Variants in BMPR1B observed in about 807,000 individuals in gnomAD.
The protein encoded by BMPR1B is bone morphogenetic protein receptor type 1B.
In BMPR1B, 12 loss-of-function variants were observed where a neutral mutation model predicts 59.1. The ratio of observed to expected loss-of-function variants is 0.20; its 90% CI spans 0.13 to 0.33. The LOEUF is 0.33. BMPR1B is among the 10% of genes least tolerant of loss of function. BMPR1B has a pLI of 1.00. For missense variants in BMPR1B, 550 were observed against 610.9 expected, an observed-to-expected ratio of 0.90 and a Z score of 1.05; for synonymous variants, 237 against 207.3, an observed-to-expected ratio of 1.14 and a Z score of -1.23.
intron 2 of BMPR1B, among the ~76,000 whole-genome samples, chr4:94,948,228 C>T (rs1729792310): frequency 6.6e-6 from 1 of 152,186 alleles, no homozygotes; most frequent in Admixed American, 6.5e-5. Flanking sequence ...TCAAACTCTT[C>T]TAAAGAGCCT....
rs1734159850 is a variant in BMPR1B, at chr4:95,140,604, C to CT, written c.1077-8141dup. Among the ~76,000 whole-genome samples, 3 of 152,198 alleles carry CT rather than the reference C, an allele frequency of 2.0e-5. No individual in the cohort carries two copies. The South Asian group carries it at 6.2e-4, about 32-fold the overall frequency. On this transcript the variant is annotated intron_variant, in intron 10 of 12. Coordinates refer to ENST00000515059, the MANE Select transcript of BMPR1B (RefSeq NM_001203.3). ...TAATGACAGCATCTTCTGTACTACT[C>CT]TTTAATTTCCCGGTCTTTGTCTGCT...
rs760017395 is a variant in BMPR1B at position 95,131,294 on chromosome 4, C to A, written c.858C>A (p.Ser286=). The change falls in exon 10 of 13, where the codon TCC becomes TCA. Residue 286 remains serine, a synonymous_variant. Coordinates refer to ENST00000515059, the MANE Select transcript of BMPR1B (RefSeq NM_001203.3). ...TCACAGACTATCATGAAAATGGTTC[C>A]CTTTATGATTATCTGAAGTCCACCA... The part of the protein sequence containing the change: ...YLITDYHENG[S]LYDYLKSTTL... 5 of 1,613,670 alleles carry A rather than the reference C, an allele frequency of 3.1e-6. No homozygotes were observed. The African/African-American group carries it at 6.7e-5, about 22-fold the overall frequency.
At chr4:95,091,217 A>C (rs760848128) in intron 3 of BMPR1B, among the ~76,000 whole-genome samples, 3 of 152,036 alleles carry the variant, frequency 2.0e-5, no homozygotes, top group Non-Finnish European at 4.4e-5. Flanking sequence ...CACTGTGGTC[A>C]GTGACATTTT....
At chr4:95,071,646 G>GTATA (rs1179814583) in intron 3 of BMPR1B, among the ~76,000 whole-genome samples, 49 of 86,570 alleles carry the variant, frequency 5.7e-4, no homozygotes, top group African/African-American at 2.1e-3. Context: ...GTGTGTGTGT[G>GTATA]TGTGTGTATA....
intron 2 of BMPR1B, among the ~76,000 whole-genome samples, chr4:94,989,490 A>T (rs1199842588): frequency 6.6e-6 from 1 of 152,084 alleles, no homozygotes; most frequent in East Asian, 1.9e-4. Context: ...ATGTAACAGG[A>T]TTACAATTTC....
intron 6 of BMPR1B, among the ~76,000 whole-genome samples, chr4:95,116,421 G>GCGCGCGCACACGCACACACACA: frequency 8.1e-6 from 1 of 123,198 alleles, no homozygotes; most frequent in African/African-American, 3.6e-5. Flanking sequence ...TTCAGCGCGC[G>GCGCGCGCACACGCACACACACA]CACACACACA....
chr4:94,879,845 A>G (rs2148977594), intron 2 of BMPR1B, among the ~76,000 whole-genome samples: 1 of 152,310 alleles, frequency 6.6e-6, no homozygotes, highest in East Asian at 1.9e-4. Flanking sequence ...TTTTTAATAC[A>G]AAGTTTGATA....
chr4:94,828,872 A>G (rs6847607), intron 1 of BMPR1B, among the ~76,000 whole-genome samples: 74,460 of 151,954 alleles, frequency 0.49, 19,049 homozygotes, highest in African/African-American at 0.64. Flanking sequence ...AGTTTAAAAA[A>G]TAAAGAGCTA....
Position 94,761,894 on chromosome 4 carries a change from G to A in BMPR1B, c.-183+3826G>A, listed in dbSNP as rs1354310059. ...ATAGGCAGGCCAGAATTCAGGGAAA[G>A]GAGGGGTTGCGGCTAGAAAGGTAGA... On this transcript the variant is annotated intron_variant, in intron 1 of 12. Transcript: ENST00000515059. Among the ~76,000 whole-genome samples the A allele has an allele frequency of 2.6e-5, 4 of 152,196 alleles. No individual in the cohort carries two copies. In the East Asian group the frequency reaches 7.7e-4, roughly 29 times the overall value.
At chr4:94,820,072 C>T (rs1724148342) in intron 1 of BMPR1B, among the ~76,000 whole-genome samples, 1 of 152,112 alleles carries the variant, frequency 6.6e-6, no homozygotes, top group South Asian at 2.1e-4. Context: ...GTCTCAACTA[C>T]AAAACTAAGA....
chr4:94,901,422 G>C (rs935068359), intron 2 of BMPR1B, among the ~76,000 whole-genome samples: 4 of 152,012 alleles, frequency 2.6e-5, no homozygotes, highest in Admixed American at 1.3e-4. Flanking sequence ...AATATTGTTA[G>C]ATCTTTGTTT....
At chr4:94,984,468 ATGTCTACTTT>A (rs1224480181) in intron 2 of BMPR1B, among the ~76,000 whole-genome samples, 4 of 152,118 alleles carry the variant, frequency 2.6e-5, no homozygotes, top group African/African-American at 9.7e-5. Context: ...TATTAGCTCC[ATGTCTACTTT>A]TGTCATAATT....
At chr4:95,130,723 C>CTTTTTTTT (rs148720302) in intron 9 of BMPR1B, among the ~76,000 whole-genome samples, 181 of 77,768 alleles carry the variant, frequency 2.3e-3, no homozygotes, top group East Asian at 3.8e-3. Context: ...CTTTTCTTTT[C>CTTTTTTTT]TTTTTTTTTT....
intron 1 of BMPR1B, among the ~76,000 whole-genome samples, chr4:94,820,287 G>T (rs576998723): frequency 6.6e-5 from 10 of 152,142 alleles, no homozygotes; most frequent in Non-Finnish European, 1.5e-4. Context: ...CCTAGAATCA[G>T]TTATTATTAA....
intron 1 of BMPR1B, among the ~76,000 whole-genome samples, chr4:94,839,261 A>G (rs1724947235): frequency 7.4e-6 from 1 of 134,430 alleles, no homozygotes; most frequent in South Asian, 2.6e-4. Context: ...AGAGTTCTGT[A>G]GATGTCTATT....
intron 2 of BMPR1B, among the ~76,000 whole-genome samples, chr4:94,887,152 A>T (rs1204736912): frequency 6.6e-6 from 1 of 151,784 alleles, no homozygotes; most frequent in Non-Finnish European, 1.5e-5. Context: ...AACTTGGAGG[A>T]CTCAACTCTT....
intron 1 of BMPR1B, among the ~76,000 whole-genome samples, chr4:94,765,909 G>A (rs1044604299): frequency 6.6e-6 from 1 of 152,128 alleles, no homozygotes; most frequent in African/African-American, 2.4e-5. Context: ...TTTGAATCGT[G>A]GCTGTATCAT....
intron 3 of BMPR1B, among the ~76,000 whole-genome samples, chr4:95,100,470 C>A (rs1007188477): frequency 6.6e-6 from 1 of 151,928 alleles, no homozygotes; most frequent in Admixed American, 6.6e-5. Context: ...CCTCACTTTT[C>A]CTCTCTATAA....
At chr4:94,988,449 A>T (rs992622358) in intron 2 of BMPR1B, among the ~76,000 whole-genome samples, 2 of 152,150 alleles carry the variant, frequency 1.3e-5, no homozygotes, top group Non-Finnish European at 2.9e-5. Flanking sequence ...TATTTTATGC[A>T]CTATGAATTT....
Sources: allele counts gnomAD v4.1 joint callset (sites outside exome capture counted in the v4.1 genomes callset), GRCh38; gene constraint gnomAD v4.1.1; transcripts MANE v1.5; gene names NCBI Gene and HGNC (gene_info 2026-07-23, HGNC 2026-07-21).